Variants in THSD4 observed in about 807,000 individuals in gnomAD.
The protein encoded by THSD4 is thrombospondin type-1 domain-containing protein 4.
THSD4 carries 69 observed loss-of-function variants against 119.0 expected under a neutral mutation model. That is an observed-to-expected ratio of 0.58 (90% CI 0.48 to 0.71). THSD4 has a LOEUF of 0.71. Ranked by LOEUF, THSD4 falls within the 30% of genes least tolerant of loss-of-function variation. The pLI is 0.00. For synonymous variants in THSD4, 524 were observed against 540.4 expected (o/e 0.97, Z 0.42); for missense variants, 1,393 against 1,391.1 (o/e 1.00, Z -0.02).
intron 8 of THSD4, among the ~76,000 whole-genome samples, chr15:71,664,326 G>A (rs2051373308): frequency 6.6e-6 from 1 of 151,696 alleles, no homozygotes; most frequent in African/African-American, 2.4e-5. Context: ...TTAGTTTCCT[G>A]TTGTTTCCAG....
rs145380230 is a variant in THSD4 at position 71,773,433 on chromosome 15, T to C, written c.2914+2225T>C. 1.2e-3 allele frequency among the ~76,000 whole-genome samples: 176 copies of C among 152,296 alleles called. 1 individual carries two copies. The highest frequency in any genetic ancestry group is 6.8e-3 in the Middle Eastern group (2 of 294). On this transcript the variant is annotated intron_variant, in intron 17 of 17. Transcript: ENST00000261862. ...TCAAAGGCTTCTAGCTAATATAATA[T>C]AATACAAAATGTGTTGCCACTGTTT...
chr15:71,313,112 T>C (rs2045135183), intron 6 of THSD4, among the ~76,000 whole-genome samples: 1 of 152,212 alleles, frequency 6.6e-6, no homozygotes, highest in African/African-American at 2.4e-5. Context: ...TTTATTTATA[T>C]CAGTATCATT....
At chr15:71,179,885 C>A (rs866115550) in intron 3 of THSD4, among the ~76,000 whole-genome samples, 1 of 37,174 alleles carries the variant, frequency 2.7e-5, no homozygotes, top group Non-Finnish European at 6.2e-5. Context: ...AGTAAACTAT[C>A]GCAAGAACAA....
chr15:71,743,346 A>G (rs947536404), intron 11 of THSD4, among the ~76,000 whole-genome samples: 2 of 152,218 alleles, frequency 1.3e-5, no homozygotes, highest in African/African-American at 2.4e-5. Context: ...CCTATCCACA[A>G]ACATCTAAGT....
At position 71,584,262 on chromosome 15, in the gene THSD4, C is replaced by CTTTTTTTT. The variant is rs71154789; in HGVS notation, c.1153-76252_1153-76245dup. The stretch of plus-strand genomic sequence containing the variant: ...TCACGTGGATTTTTTTTTTCACTTT[C>CTTTTTTTT]TTTTTTTTTTTTTTTTTTTTTTTGA... On this transcript the variant is annotated intron_variant, in intron 7 of 17. Coordinates refer to ENST00000261862, the MANE Select transcript of THSD4 (RefSeq NM_024817.3). 2.3e-3 allele frequency among the ~76,000 whole-genome samples: 141 copies of CTTTTTTTT among 61,798 alleles called. 11 individuals are homozygous for CTTTTTTTT. The highest frequency in any genetic ancestry group is 0.024 in the Middle Eastern group (2 of 84). The allele number at this position is 61,798 out of a possible 152,430, so 40.5% of individuals were successfully genotyped here. A position where few individuals can be genotyped will look rare whatever the true frequency, so the allele number is the denominator to read the frequency against.
At chr15:71,555,345 T>C (rs1004678974) in intron 7 of THSD4, among the ~76,000 whole-genome samples, 3 of 152,246 alleles carry the variant, frequency 2.0e-5, no homozygotes, top group Non-Finnish European at 4.4e-5. Context: ...TTTACTGATA[T>C]ATAAGATATA....
chr15:71,543,110 A>G (rs1372432366), intron 7 of THSD4, among the ~76,000 whole-genome samples: 1 of 152,190 alleles, frequency 6.6e-6, no homozygotes, highest in African/African-American at 2.4e-5. Flanking sequence ...GTGAGTCTGT[A>G]GTTTAGTTAA....
At position 71,243,028 on chromosome 15, in the gene THSD4, C is replaced by G. The variant is rs1196647576; in HGVS notation, c.844C>G (p.Gln282Glu). The change falls in exon 5 of 18, where the codon CAG (glutamine) becomes GAG (glutamate). Residue 282 changes from glutamine to glutamate, a missense_variant. By Grantham distance (29) the Gln-to-Glu change is conservative. Transcript: ENST00000261862. Reference sequence around the variant, plus strand: ...CCATGGGGCAACTCAGAGCTTCTCTCAGCCTGCCCGATCTACAGCAATCTC... The same window carrying G: ...CCATGGGGCAACTCAGAGCTTCTCTGAGCCTGCCCGATCTACAGCAATCTC... ...GTHGATQSFSQPARSTAISCI... is the reference protein window; with the variant it reads ...GTHGATQSFSEPARSTAISCI... 6.2e-7 allele frequency: 1 copy of G among 1,614,244 alleles called. No homozygotes were observed. The highest frequency in any genetic ancestry group is 2.2e-5 in the East Asian group (1 of 44,884).
chr15:71,130,662 C>T (rs2040495134), intron 1 of THSD4, among the ~76,000 whole-genome samples: 2 of 152,184 alleles, frequency 1.3e-5, no homozygotes, highest in Non-Finnish European at 2.9e-5. Context: ...ATAGCACCTG[C>T]TTCATAGGGT....
At chr15:71,682,480 C>T (rs777189766) in intron 8 of THSD4, among the ~76,000 whole-genome samples, 4 of 152,264 alleles carry the variant, frequency 2.6e-5, no homozygotes, top group East Asian at 1.9e-4. Flanking sequence ...GAACCACTAC[C>T]GTGATTGTTC....
chr15:71,701,288 C>T (rs1567108599), intron 8 of THSD4, among the ~76,000 whole-genome samples: 1 of 152,248 alleles, frequency 6.6e-6, no homozygotes, highest in East Asian at 1.9e-4. Context: ...CACTAGTAAT[C>T]AGGACAATTC....
chr15:71,293,281 T>C (rs1567184107), intron 6 of THSD4, among the ~76,000 whole-genome samples: 1 of 152,170 alleles, frequency 6.6e-6, no homozygotes, highest in Admixed American at 6.5e-5. Flanking sequence ...ATTATGTAGA[T>C]GGTTTTCCTC....
At chr15:71,216,331 C>G (rs958096801) in intron 4 of THSD4, among the ~76,000 whole-genome samples, 1 of 152,348 alleles carries the variant, frequency 6.6e-6, no homozygotes, top group East Asian at 1.9e-4. Context: ...TGCCTTGCCC[C>G]CTTGCCCACT....
At chr15:71,727,577 TATATATATATACACACACACAC>T (rs1270228231) in intron 8 of THSD4, among the ~76,000 whole-genome samples, 3 of 36,090 alleles carry the variant, frequency 8.3e-5, no homozygotes, top group African/African-American at 2.2e-4. Context: ...TATATATATA[TATATATATATACACACACACAC>T]ACACACACAC....
At chr15:71,154,808 T>C in intron 2 of THSD4, 55 bp from the exon 3 acceptor site, 1 of 1,571,048 alleles carries the variant, frequency 6.4e-7, no homozygotes, top group Non-Finnish European at 8.8e-7. Context: ...CTTCCCTGGG[T>C]GCTGCTGCCT....
At chr15:71,666,941 G>C (rs1315121841) in intron 8 of THSD4, among the ~76,000 whole-genome samples, 1 of 152,210 alleles carries the variant, frequency 6.6e-6, no homozygotes, top group Non-Finnish European at 1.5e-5. Context: ...GCTGGGGGAA[G>C]AGGCCAACTC....
At chr15:71,121,749 T>A (rs2040410773) in intron 1 of THSD4, among the ~76,000 whole-genome samples, 1 of 152,172 alleles carries the variant, frequency 6.6e-6, no homozygotes, top group African/African-American at 2.4e-5. Context: ...CCAAGCCAAG[T>A]GGCTGAGGGT....
At chr15:71,704,776 G>A (rs1317203705) in intron 8 of THSD4, among the ~76,000 whole-genome samples, 1 of 152,206 alleles carries the variant, frequency 6.6e-6, no homozygotes, top group Non-Finnish European at 1.5e-5. Context: ...GACAGACCAG[G>A]GAGAAGCATG....
At chr15:71,448,097 G>A (rs773882096) in intron 7 of THSD4, among the ~76,000 whole-genome samples, 2 of 152,190 alleles carry the variant, frequency 1.3e-5, no homozygotes, top group African/African-American at 4.8e-5. Flanking sequence ...TCAGGGTTCT[G>A]TTAGGGTCAC....
Sources: gnomAD v4.1 joint callset for allele counts (sites outside exome capture counted in the v4.1 genomes callset) on GRCh38, gnomAD v4.1.1 for gene constraint, MANE v1.5 for transcripts, NCBI Gene and HGNC (gene_info 2026-07-23, HGNC 2026-07-21) for gene names.